The following VEPH1 variants were observed in gnomAD, a reference collection of about 807,000 sequenced individuals.
VEPH1 encodes ventricular zone-expressed PH domain-containing protein homolog 1.
Under a neutral mutation model 85.2 loss-of-function variants are expected in VEPH1, and 80 were observed. The ratio of observed to expected loss-of-function variants is 0.94; its 90% confidence interval spans 0.78 to 1.13. VEPH1 has a LOEUF of 1.13. Among genes scored for constraint, VEPH1 ranks in the 50% most tolerant of loss-of-function variants. The pLI is 0.00. For missense variants in VEPH1, 955 were observed against 980.5 expected (o/e 0.97, Z 0.35); for synonymous variants, 297 against 348.0 (o/e 0.85, Z 1.63).
At chr3:157,323,562 G>A (rs4680354) in intron 9 of VEPH1, among the ~76,000 whole-genome samples, 33,918 of 152,132 alleles carry the variant, frequency 0.22, 4,624 homozygotes, top group Admixed American at 0.41. Flanking sequence ...TATATCACAT[G>A]CATATGTGTG....
In VEPH1 at chr3:157,428,493, T is replaced by C; in HGVS notation, c.530-5A>G. On this transcript the variant is annotated splice_polypyrimidine_tract_variant and splice_region_variant and intron_variant, in intron 4 of 13. Transcript: ENST00000362010. Reference sequence around the variant, plus strand: ...CTCTCAACAACATGGTGTTACCTGTTGAGGGAACAATAAAGGGAATGATGA... The same window carrying C: ...CTCTCAACAACATGGTGTTACCTGTCGAGGGAACAATAAAGGGAATGATGA... The C allele has an allele frequency of 6.2e-7, 1 of 1,612,806 alleles. No homozygotes were observed. The highest frequency in any genetic ancestry group is 1.1e-5 in the South Asian group (1 of 91,006).
At chr3:157,287,311 G>A (rs1003602460) in intron 11 of VEPH1, among the ~76,000 whole-genome samples, 7 of 151,984 alleles carry the variant, frequency 4.6e-5, no homozygotes, top group Non-Finnish European at 1.0e-4. Flanking sequence ...TGAGGCGGAG[G>A]TTGCAGTGAG....
chr3:157,429,782 T>C (rs897292706), intron 4 of VEPH1, among the ~76,000 whole-genome samples: 2 of 152,234 alleles, frequency 1.3e-5, no homozygotes, highest in Non-Finnish European at 2.9e-5. Context: ...AAGCCCAAGT[T>C]AGATTATAGA....
chr3:157,371,107 T>C (rs992733837), intron 7 of VEPH1, among the ~76,000 whole-genome samples: 3 of 152,214 alleles, frequency 2.0e-5, no homozygotes, highest in Non-Finnish European at 4.4e-5. Context: ...GCGCAAGTGT[T>C]ACCAATCCTA....
chr3:157,409,998 A>C, intron 6 of VEPH1: 1 of 932,212 alleles, frequency 1.1e-6, no homozygotes, highest in African/African-American at 1.8e-5. Flanking sequence ...CTGATCAGTC[A>C]GAGATTGTAC....
In VEPH1 at chr3:157,363,837, T is replaced by C; in HGVS notation, c.1338-76A>G. 2.6e-6 allele frequency: 4 copies of C among 1,517,222 alleles called. No individual in the cohort carries two copies. The East Asian group carries it at 9.1e-5, about 34-fold the overall frequency. 94.0% of individuals were successfully genotyped at this position (1,517,222 alleles called of 1,614,324 possible). A position where few individuals can be genotyped will look rare whatever the true frequency, so the allele number is the denominator to read the frequency against. The stretch of plus-strand genomic sequence containing the variant: ...ACAAGGAAAAGAAATAATAATAATA[T>C]TGGGACAAAAAGTTACTTCCTCTGG... On this transcript the variant is annotated intron_variant, in intron 8 of 13. Transcript: ENST00000362010.
chr3:157,343,034 A>C (rs1373985875), intron 9 of VEPH1, among the ~76,000 whole-genome samples: 1 of 152,254 alleles, frequency 6.6e-6, no homozygotes, highest in Admixed American at 6.5e-5. Flanking sequence ...AGCAGTGTGC[A>C]GAGGGAAATT....
intron 11 of VEPH1, among the ~76,000 whole-genome samples, chr3:157,294,070 A>T (rs1166474601): frequency 6.6e-6 from 1 of 152,144 alleles, no homozygotes; most frequent in African/African-American, 2.4e-5. Flanking sequence ...AATATTTAGT[A>T]CTACTTGTTA....
At chr3:157,475,863 A>T (rs1399446787) in intron 2 of VEPH1, among the ~76,000 whole-genome samples, 2 of 152,236 alleles carry the variant, frequency 1.3e-5, no homozygotes, top group Non-Finnish European at 2.9e-5. Flanking sequence ...TTGTGTGGCA[A>T]GAGAAATGGC....
Position 157,461,018 on chromosome 3 carries a change from A to G in VEPH1, c.355-663T>C, listed in dbSNP as rs192685541. 2.7e-3 allele frequency among the ~76,000 whole-genome samples: 410 copies of G among 152,302 alleles called. 2 individuals are homozygous for G. Among genetic ancestry groups the G allele is most frequent in the Non-Finnish European group, 4.7e-3 (318 of 68,018 alleles). On this transcript the variant is annotated intron_variant, in intron 3 of 13. Coordinates refer to ENST00000362010, the MANE Select transcript of VEPH1 (RefSeq NM_001167912.2). Reference sequence around the variant, plus strand: ...TGAGAAAAAAACCTAAGGAATGTTGAACAAGTCGCTTTTTGCCTATATCTA... The same window carrying G: ...TGAGAAAAAAACCTAAGGAATGTTGGACAAGTCGCTTTTTGCCTATATCTA...
chr3:157,387,913 G>T (rs940876703), intron 6 of VEPH1, among the ~76,000 whole-genome samples: 8 of 152,156 alleles, frequency 5.3e-5, no homozygotes, highest in African/African-American at 1.7e-4. Flanking sequence ...AAATCTCTGA[G>T]AATTTGAGAA....
chr3:157,448,496 T>C (rs892261496), intron 4 of VEPH1, among the ~76,000 whole-genome samples: 9 of 152,186 alleles, frequency 5.9e-5, no homozygotes, highest in African/African-American at 1.9e-4. Context: ...CATCAAAATT[T>C]TAAAAGGGCT....
intron 5 of VEPH1, among the ~76,000 whole-genome samples, chr3:157,422,108 G>T (rs146192206): frequency 1.3e-5 from 2 of 152,274 alleles, no homozygotes; most frequent in Non-Finnish European, 2.9e-5. Context: ...GAGGTCAAAA[G>T]ATTTCATTGG....
chr3:157,356,937 A>G (rs1469442488), intron 9 of VEPH1, among the ~76,000 whole-genome samples: 2 of 152,184 alleles, frequency 1.3e-5, no homozygotes, highest in Non-Finnish European at 2.9e-5. Flanking sequence ...ATAATGGATG[A>G]CTGATAATAA....
chr3:157,320,558 C>G (rs1487118173), intron 9 of VEPH1, among the ~76,000 whole-genome samples: 1 of 151,996 alleles, frequency 6.6e-6, no homozygotes, highest in African/African-American at 2.4e-5. Flanking sequence ...TTTTTCTAGA[C>G]TAAATGTTGA....
rs539334849 is a variant in VEPH1 at position 157,325,044 on chromosome 3, GA to G, written c.1736-7844del. Among the ~76,000 whole-genome samples the G allele has an allele frequency of 2.1e-3, 326 of 152,274 alleles. 2 individuals are homozygous for G. Among genetic ancestry groups the G allele is most frequent in the Non-Finnish European group, 3.7e-3 (250 of 68,016 alleles). On this transcript the variant is annotated intron_variant, in intron 9 of 13. Transcript: ENST00000362010. ...ATAATAGCCATTCTGACTTGTGTGA[GA>G]TGGTATCTAACTGCGGTTTTGATGT...
Position 157,299,643 on chromosome 3 carries a change from A to T in VEPH1, c.2011-12969T>A, listed in dbSNP as rs1016863519. Among the ~76,000 whole-genome samples the T allele has an allele frequency of 2.3e-4, 35 of 151,980 alleles. 1 individual carries two copies. Among genetic ancestry groups the T allele is most frequent in the African/African-American group, 8.0e-4 (33 of 41,384 alleles). Reference sequence around the variant, plus strand: ...TAAAGTCTCAAAACATTTACTGAGTAGCTGCTCTGCCTCAGGCCATGATGC... The same window carrying T: ...TAAAGTCTCAAAACATTTACTGAGTTGCTGCTCTGCCTCAGGCCATGATGC... On this transcript the variant is annotated intron_variant, in intron 11 of 13. Coordinates refer to ENST00000362010, the MANE Select transcript of VEPH1 (RefSeq NM_001167912.2).
At chr3:157,499,463 TC>T (rs950623820) in intron 1 of VEPH1, 7 of 152,126 alleles carry the variant, frequency 4.6e-5, no homozygotes. Flanking sequence ...GGCGGGAGAT[TC>T]AGGCAGGCTC....
At chr3:157,403,933 C>A (rs1384794969) in intron 6 of VEPH1, among the ~76,000 whole-genome samples, 1 of 152,126 alleles carries the variant, frequency 6.6e-6, no homozygotes, top group Non-Finnish European at 1.5e-5. Flanking sequence ...ATACACACCA[C>A]CTGGGCATCT....
Sources: gnomAD v4.1 joint callset for allele counts (sites outside exome capture counted in the v4.1 genomes callset) on GRCh38, gnomAD v4.1.1 for gene constraint, MANE v1.5 for transcripts, NCBI Gene and HGNC (gene_info 2026-07-23, HGNC 2026-07-21) for gene names.